SRPK1: variants seen among roughly 807,000 people sequenced by gnomAD.
The protein encoded by SRPK1 is SFRS protein kinase 1.
A neutral mutation model predicts 89.5 loss-of-function variants in SRPK1; 52 were observed. The ratio of observed to expected loss-of-function variants is 0.58; its 90% CI spans 0.46 to 0.73. The LOEUF (loss-of-function observed/expected upper bound fraction) is 0.73, where lower values mean the gene tolerates loss of function less well. Ranked by LOEUF, SRPK1 falls within the 30% of genes least tolerant of loss-of-function variation. The pLI is 0.00. For synonymous variants in SRPK1, 255 were observed against 270.2 expected (o/e 0.94, Z 0.55); for missense variants, 603 against 780.6 (o/e 0.77, Z 2.71).
intron 2 of SRPK1, among the ~76,000 whole-genome samples, chr6:35,916,857 G>C (rs1035435750): frequency 3.9e-5 from 6 of 152,192 alleles, no homozygotes; most frequent in Non-Finnish European, 8.8e-5. Flanking sequence ...TCGAGTTTGA[G>C]ACCAGCCTGG....
At chr6:35,861,016 A>T (rs1769771016) in intron 12 of SRPK1, among the ~76,000 whole-genome samples, 1 of 152,156 alleles carries the variant, frequency 6.6e-6, no homozygotes, top group African/African-American at 2.4e-5. Context: ...TTCTGAAGGG[A>T]GCCACTGCAA....
chr6:35,842,399 A>T, intron 14 of SRPK1, 136 bp downstream of exon 14: 2 of 532,810 alleles, frequency 3.8e-6, no homozygotes, highest in Non-Finnish European at 6.2e-6. Context: ...AATGTCTTTT[A>T]TATTTCTAAC....
intron 2 of SRPK1, among the ~76,000 whole-genome samples, chr6:35,898,300 C>T (rs966201680): frequency 2.0e-5 from 3 of 152,152 alleles, no homozygotes; most frequent in Admixed American, 2.0e-4. Flanking sequence ...TATGTTCTCA[C>T]TTATAAGTGG....
intron 2 of SRPK1, among the ~76,000 whole-genome samples, chr6:35,918,970 A>G (rs769814782): frequency 3.9e-5 from 6 of 152,250 alleles, no homozygotes; most frequent in Non-Finnish European, 7.3e-5. Flanking sequence ...ACAGAGTAAT[A>G]TAATAAAAAC....
intron 6 of SRPK1, among the ~76,000 whole-genome samples, chr6:35,878,600 A>G (rs559574169): frequency 9.2e-5 from 14 of 152,282 alleles, no homozygotes; most frequent in African/African-American, 2.6e-4. Context: ...CCCTGCACAC[A>G]GTTTGTTGGA....
chr6:35,896,236 G>A (rs1015838393), intron 2 of SRPK1, among the ~76,000 whole-genome samples: 2 of 152,166 alleles, frequency 1.3e-5, no homozygotes, highest in African/African-American at 4.8e-5. Context: ...AGAAGACACT[G>A]TCAGAACTGA....
In SRPK1 at chr6:35,833,561, T is replaced by C. The variant is rs918411582; in HGVS notation, c.*1743A>G. The stretch of plus-strand genomic sequence containing the variant: ...CGTTGTTTGATACAATCTATTCTCT[T>C]GATTCTTGATAGGTGCATAGAAAGC... On this transcript the variant is annotated 3_prime_UTR_variant, in exon 16 of 16. Transcript: ENST00000373825. 6.6e-6 allele frequency: 1 copy of C among 152,658 alleles called. No homozygotes were observed. The highest frequency in any genetic ancestry group is 2.4e-5 in the African/African-American group (1 of 41,462). The allele number at this position is 152,658 out of a possible 1,614,324, so 9.5% of individuals were successfully genotyped here. A position where few individuals can be genotyped will look rare whatever the true frequency, so the allele number is the denominator to read the frequency against.
chr6:35,839,276 G>A (rs6922695), intron 14 of SRPK1, among the ~76,000 whole-genome samples: 3 of 152,004 alleles, frequency 2.0e-5, no homozygotes, highest in Admixed American at 6.5e-5. Flanking sequence ...TTGGCCTCCC[G>A]AAGTGTTGGG....
chr6:35,906,097 TA>T (rs1561995544), intron 2 of SRPK1, among the ~76,000 whole-genome samples: 1 of 151,804 alleles, frequency 6.6e-6, no homozygotes, highest in Admixed American at 6.6e-5. Context: ...CACACCAGAT[TA>T]AAAAAAGCAA....
At chr6:35,873,635 G>A (rs941907560) in intron 7 of SRPK1, among the ~76,000 whole-genome samples, 2 of 149,976 alleles carry the variant, frequency 1.3e-5, no homozygotes, top group Non-Finnish European at 3.0e-5. Context: ...GATTATAGGC[G>A]CTTACCACCA....
chr6:35,844,811 T>TA (rs929922850), intron 13 of SRPK1, among the ~76,000 whole-genome samples: 11 of 151,048 alleles, frequency 7.3e-5, no homozygotes, highest in South Asian at 2.1e-4. Flanking sequence ...ACCAGTACTT[T>TA]AAAAAAAAAT....
chr6:35,884,995 G>A (rs1302520005), intron 6 of SRPK1, among the ~76,000 whole-genome samples: 2 of 151,924 alleles, frequency 1.3e-5, no homozygotes, highest in African/African-American at 4.8e-5. Flanking sequence ...AAATATCTTG[G>A]AACTTGAAAT....
At chr6:35,875,150 C>T (rs1220979702) in intron 6 of SRPK1, among the ~76,000 whole-genome samples, 2 of 152,058 alleles carry the variant, frequency 1.3e-5, no homozygotes, top group Non-Finnish European at 2.9e-5. Context: ...GGAAAAATAA[C>T]AGGGTAAACT....
intron 13 of SRPK1, among the ~76,000 whole-genome samples, chr6:35,850,190 A>ATATTTAATTGCTCAAATCATGAAGATAC (rs1283372215): frequency 6.6e-6 from 1 of 152,214 alleles, no homozygotes; most frequent in African/African-American, 2.4e-5. Flanking sequence ...GTTACTAATC[A>ATATTTAATTGCTCAAATCATGAAGATAC]TATTTAATTG....
intron 2 of SRPK1, among the ~76,000 whole-genome samples, chr6:35,907,039 A>G (rs1338721806): frequency 6.6e-6 from 1 of 152,200 alleles, no homozygotes; most frequent in Admixed American, 6.5e-5. Context: ...GAAACCCTAA[A>G]TAAATTAATG....
At chr6:35,872,807 T>TAAAA in intron 7 of SRPK1, 79 bp from the exon 8 acceptor site, 2 of 993,294 alleles carry the variant, frequency 2.0e-6, no homozygotes, top group Non-Finnish European at 2.7e-6. Flanking sequence ...AACATGACAT[T>TAAAA]AAAAAAAAAA....
chr6:35,838,653 G>T (rs189282369), intron 14 of SRPK1: 319 of 1,536,314 alleles, frequency 2.1e-4, no homozygotes, highest in Admixed American at 1.1e-3. Context: ...AACAATCTTG[G>T]TGTGAATGCT....
chr6:35,896,766 G>C (rs1770634217), intron 2 of SRPK1, among the ~76,000 whole-genome samples: 1 of 152,112 alleles, frequency 6.6e-6, no homozygotes, highest in Non-Finnish European at 1.5e-5. Flanking sequence ...TGATTCCTGG[G>C]GACAGGGTGG....
chr6:35,849,604 C>T (rs1364057376), intron 13 of SRPK1, among the ~76,000 whole-genome samples: 1 of 152,090 alleles, frequency 6.6e-6, no homozygotes, highest in Non-Finnish European at 1.5e-5. Context: ...ATTTTAAAAT[C>T]AATCTAAGTT....
Sources: gnomAD v4.1 joint callset for allele counts (sites outside exome capture counted in the v4.1 genomes callset) on GRCh38, gnomAD v4.1.1 for gene constraint, MANE v1.5 for transcripts, NCBI Gene and HGNC (gene_info 2026-07-23, HGNC 2026-07-21) for gene names.